The following CRACD variants were observed in gnomAD, a reference collection of about 807,000 sequenced individuals.
The protein encoded by CRACD is capping protein inhibiting regulator of actin dynamics, also known as capping protein-inhibiting regulator of actin dynamics.
Under a neutral mutation model 106.8 loss-of-function variants are expected in CRACD, and 56 were observed. The observed-to-expected ratio is 0.52, with a 90% CI of 0.42 to 0.66. The LOEUF (loss-of-function observed/expected upper bound fraction) is 0.66. CRACD is among the 30% of genes least tolerant of loss of function. The pLI is 0.00. For missense variants in CRACD, 1,730 were observed against 1,623.2 expected (o/e 1.07, Z -1.13); for synonymous variants, 754 against 670.8 (o/e 1.12, Z -1.92).
chr4:56,327,850 T>C lies in CRACD; in HGVS notation c.*46T>C. ...CTACTGCCAGTTATTGGCTCCTCTC[T>C]TGCCCTTTTTATTTATTTATTTTTT... On this transcript the variant is annotated 3_prime_UTR_variant, in exon 11 of 11. Transcript: ENST00000682029. The C allele has an allele frequency of 1.3e-6, 2 of 1,515,536 alleles. No individual in the cohort carries two copies. Among genetic ancestry groups the C allele is most frequent in the Non-Finnish European group, 1.8e-6 (2 of 1,113,880 alleles). 93.9% of individuals were successfully genotyped at this position (1,515,536 alleles called of 1,614,324 possible).
chr4:56,285,337 G>A (rs888943262), intron 3 of CRACD, among the ~76,000 whole-genome samples: 1 of 152,200 alleles, frequency 6.6e-6, no homozygotes, highest in East Asian at 1.9e-4. Context: ...GGCAGTCCAT[G>A]CAGCAGAAGA....
chr4:56,302,352 G>C (rs1744417547), intron 4 of CRACD, among the ~76,000 whole-genome samples: 1 of 152,152 alleles, frequency 6.6e-6, no homozygotes, highest in Admixed American at 6.6e-5. Flanking sequence ...TGTACCAACT[G>C]GTGATAAAAC....
At chr4:56,201,984 C>T (rs1737901748) in intron 2 of CRACD, among the ~76,000 whole-genome samples, 1 of 152,156 alleles carries the variant, frequency 6.6e-6, no homozygotes, top group South Asian at 2.1e-4. Flanking sequence ...ATTAGGAAAA[C>T]TCGCTAAATA....
rs569406372 is a variant in CRACD, at chr4:56,269,169, G to A, written c.-188-3152G>A. On this transcript the variant is annotated intron_variant, in intron 2 of 10. Transcript: ENST00000682029. ...AGGCTGAAGTGGGCAGATTAATTGAGGTCAGGAGTTGGAGATCGGCCTGGC... is the reference window on the plus strand; with the variant it reads ...AGGCTGAAGTGGGCAGATTAATTGAAGTCAGGAGTTGGAGATCGGCCTGGC... 9.2e-5 allele frequency among the ~76,000 whole-genome samples: 14 copies of A among 152,148 alleles called. No homozygotes were observed. The South Asian group carries it at 2.7e-3, about 29-fold the overall frequency.
chr4:56,115,442 A>G (rs1008702109), intron 1 of CRACD, among the ~76,000 whole-genome samples: 2 of 152,188 alleles, frequency 1.3e-5, no homozygotes, highest in Non-Finnish European at 2.9e-5. Flanking sequence ...ATATAATCAT[A>G]TAGGTGCTCC....
At chr4:56,284,754 A>C (rs1278102212) in intron 3 of CRACD, among the ~76,000 whole-genome samples, 1 of 152,008 alleles carries the variant, frequency 6.6e-6, no homozygotes, top group African/African-American at 2.4e-5. Flanking sequence ...AAAGAATCAC[A>C]TCTGTGTCGT....
At chr4:56,285,191 C>G (rs1743266842) in intron 3 of CRACD, among the ~76,000 whole-genome samples, 1 of 152,132 alleles carries the variant, frequency 6.6e-6, no homozygotes, top group Admixed American at 6.5e-5. Flanking sequence ...ATCACAAGAA[C>G]AGCATGAGGG....
chr4:56,107,011 C>A (rs1246070320), intron 1 of CRACD, among the ~76,000 whole-genome samples: 5 of 152,116 alleles, frequency 3.3e-5, no homozygotes, highest in Non-Finnish European at 7.3e-5. Context: ...TGCTCGGTCA[C>A]CCATGCAGGA....
At chr4:56,049,646 C>G (rs373148002) in intron 1 of CRACD, among the ~76,000 whole-genome samples, 10 of 152,306 alleles carry the variant, frequency 6.6e-5, no homozygotes, top group African/African-American at 2.2e-4. Context: ...GTCCCTGGCT[C>G]GGTCCCGACC....
intron 3 of CRACD, among the ~76,000 whole-genome samples, chr4:56,295,126 A>G (rs1034953257): frequency 1.3e-5 from 2 of 151,978 alleles, no homozygotes; most frequent in African/African-American, 4.8e-5. Context: ...AGACAAGTAG[A>G]CCAGTGGAAC....
intron 2 of CRACD, among the ~76,000 whole-genome samples, chr4:56,184,447 A>G (rs1736998908): frequency 1.3e-5 from 2 of 152,226 alleles, no homozygotes; most frequent in African/African-American, 4.8e-5. Context: ...AACGACACTT[A>G]GTCTTTGTCT....
chr4:56,237,437 A>G (rs1740042699), intron 2 of CRACD, among the ~76,000 whole-genome samples: 2 of 152,168 alleles, frequency 1.3e-5, no homozygotes. Context: ...TTAGTAAGAA[A>G]GATGGACCTT....
chr4:56,094,148 A>G (rs1413697417), intron 1 of CRACD, among the ~76,000 whole-genome samples: 1 of 152,238 alleles, frequency 6.6e-6, no homozygotes, highest in Non-Finnish European at 1.5e-5. Context: ...TAAAAATTGT[A>G]GTTGAAAGGA....
intron 1 of CRACD, among the ~76,000 whole-genome samples, chr4:56,118,452 AAGTG>A (rs1297888374): frequency 6.6e-6 from 1 of 152,220 alleles, no homozygotes; most frequent in Non-Finnish European, 1.5e-5. Flanking sequence ...AACTACATAC[AAGTG>A]AGTAAGTGGG....
intron 3 of CRACD, among the ~76,000 whole-genome samples, chr4:56,289,734 A>T (rs925130970): frequency 6.6e-6 from 1 of 151,732 alleles, no homozygotes; most frequent in Non-Finnish European, 1.5e-5. Context: ...CCTCTTTTGT[A>T]TAACATTTGC....
Position 56,329,308 on chromosome 4 carries a change from A to G in CRACD, c.*1504A>G, listed in dbSNP as rs980392911. On this transcript the variant is annotated 3_prime_UTR_variant, in exon 11 of 11. Coordinates refer to ENST00000682029, the MANE Select transcript of CRACD (RefSeq NM_001393381.1). ...TCCTTTGCTCTGTGCAGAGGGAATT[A>G]CATCCTTTTTCCTCTCCTACAAAAA... Among the ~76,000 whole-genome samples the G allele has an allele frequency of 5.9e-5, 9 of 152,366 alleles. No homozygotes were observed. The East Asian group carries it at 1.3e-3, about 23-fold the overall frequency.
At chr4:56,231,808 C>A (rs973318196) in intron 2 of CRACD, among the ~76,000 whole-genome samples, 1 of 152,128 alleles carries the variant, frequency 6.6e-6, no homozygotes, top group Non-Finnish European at 1.5e-5. Context: ...TGGTTGTGTC[C>A]ATTTTTCAAA....
chr4:56,313,975 A>AT, intron 7 of CRACD, 65 bp from the exon 8 acceptor site: 1 of 1,543,790 alleles, frequency 6.5e-7, no homozygotes, highest in Non-Finnish European at 8.7e-7. Flanking sequence ...CACTGTGAAT[A>AT]GGAAAAGGAA....
rs112971912 is a variant in CRACD at position 56,302,273 on chromosome 4, T to C, written c.120+3924T>C. On this transcript the variant is annotated intron_variant, in intron 4 of 10. Coordinates refer to ENST00000682029, the MANE Select transcript of CRACD (RefSeq NM_001393381.1). ...CAGCTACAATGACCTTGACATTCCCTACAGCTGCCCACCAGCATGGATCAG... is the reference window on the plus strand; with the variant it reads ...CAGCTACAATGACCTTGACATTCCCCACAGCTGCCCACCAGCATGGATCAG... Among the ~76,000 whole-genome samples, 561 of 152,326 alleles carry C rather than the reference T, an allele frequency of 3.7e-3. 2 individuals carry two copies. Among genetic ancestry groups the C allele is most frequent in the African/African-American group, 0.013 (532 of 41,572 alleles).
Sources: gnomAD v4.1 joint callset for allele counts (sites outside exome capture counted in the v4.1 genomes callset) on GRCh38, gnomAD v4.1.1 for gene constraint, MANE v1.5 for transcripts, NCBI Gene and HGNC (gene_info 2026-07-23, HGNC 2026-07-21) for gene names.